TRERF1: variants seen among roughly 807,000 people sequenced by gnomAD.
TRERF1 encodes the protein transcriptional regulating factor 1.
TRERF1 carries 27 observed loss-of-function variants against 122.9 expected under a neutral mutation model. That is an observed-to-expected ratio of 0.22 (90% confidence interval 0.16 to 0.30). The LOEUF is 0.30. Among genes scored for constraint, TRERF1 ranks in the 10% least tolerant of loss-of-function variants. The pLI, the probability that TRERF1 is intolerant of heterozygous loss-of-function variation, is 1.00. For synonymous variants in TRERF1, 636 were observed against 641.7 expected (o/e 0.99, Z 0.13); for missense variants, 1,248 against 1,560.3 (o/e 0.80, Z 3.37).
At chr6:42,311,930 CATTA>C (rs1761737388) in intron 3 of TRERF1, among the ~76,000 whole-genome samples, 1 of 152,064 alleles carries the variant, frequency 6.6e-6, no homozygotes. Flanking sequence ...ATTAATAATT[CATTA>C]ATTAAACCAT....
At chr6:42,447,281 AG>A (rs1787684716) in intron 2 of TRERF1, among the ~76,000 whole-genome samples, 1 of 152,190 alleles carries the variant, frequency 6.6e-6, no homozygotes, top group Admixed American at 6.5e-5. Context: ...AATATCACAG[AG>A]GCTTTTTGTT....
Position 42,232,385 on chromosome 6 carries a change from A to C in TRERF1, c.3278+296T>G, listed in dbSNP as rs1377467645. ...GCTAGTGAACATAGCTTGGGTGTGA[A>C]GGGAAGGAGTGGGAACCAGAGTCCC... On this transcript the variant is annotated intron_variant, in intron 17 of 17. Coordinates refer to ENST00000372922, the Ensembl canonical transcript of TRERF1. This position sits in a 1 kb window ranked among gnomAD's most constrained non-coding sequence, Gnocchi z 4.5. Among the ~76,000 whole-genome samples the C allele has an allele frequency of 6.6e-6, 1 of 152,196 alleles. No homozygotes were observed. The highest frequency in any genetic ancestry group is 1.5e-5 in the Non-Finnish European group (1 of 68,026).
Position 42,268,415 on chromosome 6 carries a change from C to T in TRERF1, c.1176G>A (p.Gln392=). The change falls in exon 5 of 18, where the codon CAG becomes CAA. Residue 392 remains glutamine, a synonymous_variant. Transcript: ENST00000372922. The surrounding 1 kb of genome is among the most constrained non-coding windows in gnomAD (Gnocchi z 4.4). The stretch of plus-strand genomic sequence containing the variant: ...GCTGGTGCTGGGACAGGTGGCTCTG[C>T]TGGTAGAGGGGGTGGCTGTAGGGCT... The T allele has an allele frequency of 6.4e-7, 1 of 1,556,178 alleles. No individual in the cohort carries two copies. Among genetic ancestry groups the T allele is most frequent in the East Asian group, 2.3e-5 (1 of 44,438 alleles).
At chr6:42,280,141 A>G (rs1782041715) in intron 4 of TRERF1, among the ~76,000 whole-genome samples, 1 of 152,108 alleles carries the variant, frequency 6.6e-6, no homozygotes, top group East Asian at 1.9e-4. Context: ...CATACTGGGC[A>G]ATGCCACGGT....
At chr6:42,295,008 C>T (rs1784858736) in intron 4 of TRERF1, among the ~76,000 whole-genome samples, 1 of 147,648 alleles carries the variant, frequency 6.8e-6, no homozygotes, top group Non-Finnish European at 1.5e-5. Context: ...TTGAGGTTTG[C>T]TGGTGGGAAC....
At chr6:42,287,590 T>A (rs1046192331) in intron 4 of TRERF1, among the ~76,000 whole-genome samples, 1 of 152,158 alleles carries the variant, frequency 6.6e-6, no homozygotes, top group Non-Finnish European at 1.5e-5. Flanking sequence ...ACGTCCCCCC[T>A]GCCCTAACTC....
At chr6:42,285,089 G>A (rs1289886651) in intron 4 of TRERF1, among the ~76,000 whole-genome samples, 2 of 152,140 alleles carry the variant, frequency 1.3e-5, no homozygotes, top group African/African-American at 4.8e-5. Flanking sequence ...CCATTTTCAC[G>A]ATATTGAGTT....
At chr6:42,422,759 G>C (rs1279972170) in intron 2 of TRERF1, among the ~76,000 whole-genome samples, 2 of 151,698 alleles carry the variant, frequency 1.3e-5, no homozygotes, top group African/African-American at 2.4e-5. Flanking sequence ...GTCCAGGATG[G>C]CCATGATCAT....
intron 2 of TRERF1, among the ~76,000 whole-genome samples, chr6:42,379,136 A>T (rs1775450656): frequency 7.0e-6 from 1 of 143,260 alleles, no homozygotes. Flanking sequence ...AAATTTTTTT[A>T]ATATATTTTG....
chr6:42,236,793 AGGTGAAGAG>A (rs1772338321), intron 15 of TRERF1, among the ~76,000 whole-genome samples: 1 of 152,218 alleles, frequency 6.6e-6, no homozygotes, highest in Non-Finnish European at 1.5e-5. Flanking sequence ...CTCCTCACAG[AGGTGAAGAG>A]GGGTTTCCAG....
chr6:42,250,704 G>T (rs1775600203), intron 13 of TRERF1, among the ~76,000 whole-genome samples: 1 of 152,044 alleles, frequency 6.6e-6, no homozygotes, highest in African/African-American at 2.4e-5. Context: ...TGGCTATTGG[G>T]CTATTACCAG....
chr6:42,270,300 A>G (rs188249619), intron 4 of TRERF1, among the ~76,000 whole-genome samples: 89 of 152,328 alleles, frequency 5.8e-4, no homozygotes, highest in African/African-American at 2.1e-3. Context: ...TAACTCTCAC[A>G]TGAGATGCAA....
At chr6:42,274,219 C>T (rs1177358937) in intron 4 of TRERF1, among the ~76,000 whole-genome samples, 1 of 152,302 alleles carries the variant, frequency 6.6e-6, no homozygotes, top group Admixed American at 6.5e-5. Flanking sequence ...TTTTAATGAG[C>T]CCTCTTGGTG....
At chr6:42,291,959 A>T (rs1784389515) in intron 4 of TRERF1, among the ~76,000 whole-genome samples, 1 of 152,104 alleles carries the variant, frequency 6.6e-6, no homozygotes, top group African/African-American at 2.4e-5. Context: ...GGAGTCAAAG[A>T]TTGGGGTTCA....
At chr6:42,378,140 G>A (rs1383902013) in intron 2 of TRERF1, among the ~76,000 whole-genome samples, 1 of 152,138 alleles carries the variant, frequency 6.6e-6, no homozygotes, top group African/African-American at 2.4e-5. Context: ...AGGGGCAGGT[G>A]AGGGGTTGAA....
chr6:42,232,987 GTC>G lies in TRERF1; in HGVS notation c.3067-97_3067-96del. ...TGGTAAACATGGAATACTTGAAACTGTCTAATGACAGGGCACAAGGGTTTTAT... is the reference window on the plus strand; with the variant it reads ...TGGTAAACATGGAATACTTGAAACTGTAATGACAGGGCACAAGGGTTTTAT... On this transcript the variant is annotated intron_variant, in intron 16 of 17. Coordinates refer to ENST00000372922, the Ensembl canonical transcript of TRERF1. The surrounding 1 kb of genome is among the most constrained non-coding windows in gnomAD (Gnocchi z 4.5). 2.8e-6 allele frequency: 4 copies of G among 1,451,940 alleles called. No individual in the cohort carries two copies. The highest frequency in any genetic ancestry group is 3.6e-6 in the Non-Finnish European group (4 of 1,098,052). The allele number at this position is 1,451,940 out of a possible 1,614,324, so 89.9% of individuals were successfully genotyped here.
chr6:42,380,951 C>T (rs567447239), intron 2 of TRERF1, among the ~76,000 whole-genome samples: 1 of 152,314 alleles, frequency 6.6e-6, no homozygotes, highest in Non-Finnish European at 1.5e-5. Context: ...TGGAAACATC[C>T]ATTTCCATGA....
intron 2 of TRERF1, among the ~76,000 whole-genome samples, chr6:42,442,764 T>G (rs1375691891): frequency 6.6e-6 from 1 of 152,240 alleles, no homozygotes; most frequent in Non-Finnish European, 1.5e-5. Flanking sequence ...TTCCACGATC[T>G]TTTACATATA....
At chr6:42,447,449 C>T (rs1392117257) in intron 2 of TRERF1, among the ~76,000 whole-genome samples, 3 of 152,220 alleles carry the variant, frequency 2.0e-5, no homozygotes, top group Admixed American at 6.5e-5. Flanking sequence ...CCTCCTCTCT[C>T]CACAAAAGAA....
Sources: gnomAD v4.1 joint callset for allele counts (sites outside exome capture counted in the v4.1 genomes callset) on GRCh38, gnomAD v4.1.1 for gene constraint, Gnocchi (gnomAD v3.1) non-coding constraint, MANE v1.5 for transcripts, NCBI Gene and HGNC (gene_info 2026-07-23, HGNC 2026-07-21) for gene names.